ZNF730: variants seen among roughly 807,000 people sequenced by gnomAD.
ZNF730 encodes zinc finger protein 730, also known as putative zinc finger protein 730.
ZNF730 carries 12 observed loss-of-function variants against 12.6 expected under a neutral mutation model. The observed-to-expected ratio is 0.95, with a 90% CI of 0.61 to 1.54. The LOEUF (loss-of-function observed/expected upper bound fraction) is 1.54, where lower values mean the gene tolerates loss of function less well. ZNF730 is among the 40% of genes most tolerant of loss of function. ZNF730 has a pLI of 0.00. For synonymous variants in ZNF730, 194 were observed against 195.8 expected, an observed-to-expected ratio of 0.99 and a Z score of 0.08; for missense variants, 643 against 583.5, an observed-to-expected ratio of 1.10 and a Z score of -1.05.
intron 1 of ZNF730, among the ~76,000 whole-genome samples, chr19:23,119,653 C>A (rs931875205): frequency 1.8e-4 from 27 of 152,156 alleles, no homozygotes; most frequent in Admixed American, 1.6e-3. Flanking sequence ...CCTGTCTCTA[C>A]TAAAAATACA....
chr19:23,113,567 G>A (rs1372435212), upstream of ZNF730, among the ~76,000 whole-genome samples: 1 of 152,098 alleles, frequency 6.6e-6, no homozygotes, highest in South Asian at 2.1e-4. Flanking sequence ...ATTATTAGAG[G>A]CCATCATTCT....
intron 1 of ZNF730, among the ~76,000 whole-genome samples, chr19:23,106,969 G>A (rs1299773714): frequency 2.0e-5 from 3 of 151,972 alleles, no homozygotes; most frequent in East Asian, 1.9e-4. Flanking sequence ...ATACACACAC[G>A]CATAGTAATT....
At chr19:23,082,757 A>G (rs1969985582) in intron 1 of ZNF730, among the ~76,000 whole-genome samples, 1 of 151,796 alleles carries the variant, frequency 6.6e-6, no homozygotes, top group Non-Finnish European at 1.5e-5. Flanking sequence ...GCTGGAGTGC[A>G]ATGGCGTGAT....
At position 23,146,478 on chromosome 19, in the gene ZNF730, A is replaced by G; in HGVS notation, c.1434A>G (p.Lys478=). 6.2e-7 allele frequency: 1 copy of G among 1,606,682 alleles called. No homozygotes were observed. The highest frequency in any genetic ancestry group is 8.5e-7 in the Non-Finnish European group (1 of 1,177,526). The part of the protein sequence containing the change: ...TTHKIIHSGE[K]IYKCKECGKA... ...ATAAGATAATTCATTCTGGGGAAAA[A>G]ATCTACAAATGTAAAGAATGTGGTA... Residue 478 remains lysine, a synonymous_variant, in exon 4 of 4, where the codon AAA becomes AAG. Coordinates refer to ENST00000597761, the MANE Select transcript of ZNF730 (RefSeq NM_001277403.2).
At chr19:23,086,860 C>G (rs2145468371) in intron 1 of ZNF730, among the ~76,000 whole-genome samples, 1 of 152,118 alleles carries the variant, frequency 6.6e-6, no homozygotes. Context: ...GGAAAAGCAT[C>G]GAATCTATAA....
At chr19:23,140,320 A>T (rs1970896372) in intron 3 of ZNF730, among the ~76,000 whole-genome samples, 2 of 152,070 alleles carry the variant, frequency 1.3e-5, no homozygotes, top group Admixed American at 6.6e-5. Flanking sequence ...TATTCTTTTT[A>T]AAAAATAGAT....
chr19:23,111,935 G>A (rs1970465414), intron 1 of ZNF730, among the ~76,000 whole-genome samples: 1 of 152,224 alleles, frequency 6.6e-6, no homozygotes, highest in African/African-American at 2.4e-5. Flanking sequence ...TGCTACTGAA[G>A]TCTAATATTA....
intron 1 of ZNF730, among the ~76,000 whole-genome samples, chr19:23,093,927 G>T (rs1970200535): frequency 6.6e-6 from 1 of 152,216 alleles, no homozygotes; most frequent in Non-Finnish European, 1.5e-5. Flanking sequence ...CCTTCTGTCT[G>T]CCAGGTCCAC....
At chr19:23,128,934 C>G (rs556698029) in intron 1 of ZNF730, among the ~76,000 whole-genome samples, 5 of 152,160 alleles carry the variant, frequency 3.3e-5, no homozygotes, top group African/African-American at 1.2e-4. Flanking sequence ...CCAGCCACTA[C>G]AGTCATGGCT....
At chr19:23,107,466 A>C (rs1345035975) in intron 1 of ZNF730, among the ~76,000 whole-genome samples, 1 of 147,856 alleles carries the variant, frequency 6.8e-6, no homozygotes, top group Non-Finnish European at 1.5e-5. Flanking sequence ...AAAAAAAAAA[A>C]AAAAAAAAAC....
chr19:23,081,850 G>A (rs561449836), intron 1 of ZNF730, among the ~76,000 whole-genome samples: 7 of 152,224 alleles, frequency 4.6e-5, no homozygotes, highest in Admixed American at 2.6e-4. Context: ...CCCCAAACTC[G>A]CAGACTATCT....
At chr19:23,109,454 G>C (rs1357524530) in intron 1 of ZNF730, among the ~76,000 whole-genome samples, 1 of 151,546 alleles carries the variant, frequency 6.6e-6, no homozygotes, top group Non-Finnish European at 1.5e-5. Flanking sequence ...TGTCACCCAG[G>C]CTGGAGTGCA....
rs776781653 is a variant in ZNF730, at chr19:23,117,164, A to G, written c.-10A>G. Reference sequence around the variant, plus strand: ...CAGCTAAGACGCCAGGGCCCCCTGGAAGCCTAGAAATGGTGAGAGTGCCGG... The same window carrying G: ...CAGCTAAGACGCCAGGGCCCCCTGGGAGCCTAGAAATGGTGAGAGTGCCGG... On this transcript the variant is annotated 5_prime_UTR_variant, in exon 1 of 4. Transcript: ENST00000597761. The G allele has an allele frequency of 1.9e-6, 3 of 1,613,864 alleles. No homozygotes were observed.
intron 1 of ZNF730, among the ~76,000 whole-genome samples, chr19:23,078,604 C>A (rs1362156579): frequency 6.6e-6 from 1 of 152,152 alleles, no homozygotes; most frequent in Non-Finnish European, 1.5e-5. Flanking sequence ...ACTGAGGGAA[C>A]TCAGAGACCG....
At chr19:23,116,690 G>C (rs991669818), upstream of ZNF730, among the ~76,000 whole-genome samples, 1 of 151,786 alleles carries the variant, frequency 6.6e-6, no homozygotes, top group African/African-American at 2.4e-5. Flanking sequence ...CAAAGTGCTG[G>C]GATTACAGGC....
chr19:23,113,308 G>T (rs1970478121), upstream of ZNF730, among the ~76,000 whole-genome samples: 1 of 152,142 alleles, frequency 6.6e-6, no homozygotes, highest in African/African-American at 2.4e-5. Context: ...TATCCTCCTG[G>T]TAGTCAAAAT....
chr19:23,107,953 TC>T, intron 1 of ZNF730, among the ~76,000 whole-genome samples: 1 of 152,240 alleles, frequency 6.6e-6, no homozygotes, highest in Non-Finnish European at 1.5e-5. Context: ...CCAGAAAATG[TC>T]CCCTCACAGC....
At chr19:23,097,453 A>G (rs1040360705) in intron 1 of ZNF730, among the ~76,000 whole-genome samples, 1 of 152,104 alleles carries the variant, frequency 6.6e-6, no homozygotes, top group African/African-American at 2.4e-5. Context: ...CCTGCCCGGA[A>G]GAAAACTGAA....
At chr19:23,102,974 G>A (rs758952164) in intron 1 of ZNF730, among the ~76,000 whole-genome samples, 24 of 152,206 alleles carry the variant, frequency 1.6e-4, no homozygotes, top group Non-Finnish European at 2.1e-4. Context: ...CCATTCCAGC[G>A]TTCAGAACAC....
Sources: allele counts gnomAD v4.1 joint callset (sites outside exome capture counted in the v4.1 genomes callset), GRCh38; gene constraint gnomAD v4.1.1; transcripts MANE v1.5; gene names NCBI Gene and HGNC (gene_info 2026-07-23, HGNC 2026-07-21).